Variants in MAPRE2 observed in about 807,000 individuals in gnomAD.
MAPRE2 encodes the protein microtubule-associated protein RP/EB family member 2.
In MAPRE2, 13 loss-of-function variants were observed where a neutral mutation model predicts 43.2. The ratio of observed to expected loss-of-function variants is 0.30; its 90% CI spans 0.20 to 0.48. The LOEUF is 0.48. MAPRE2 is among the 20% of genes least tolerant of loss of function. The probability of loss-of-function intolerance (pLI) is 0.99; values close to 1 mark genes in which losing one functional copy is unlikely to be tolerated. For synonymous variants in MAPRE2, 135 were observed against 148.8 expected (o/e 0.91, Z 0.68); for missense variants, 161 against 400.2 (o/e 0.40, Z 5.10).
chr18:35,087,040 A>T (rs1488559731), intron 2 of MAPRE2, among the ~76,000 whole-genome samples: 1 of 152,160 alleles, frequency 6.6e-6, no homozygotes, highest in Admixed American at 6.5e-5. Flanking sequence ...AAATTGTCTT[A>T]GGCTTTTCAT....
At chr18:35,063,315 G>T (rs1180624584) in intron 1 of MAPRE2, among the ~76,000 whole-genome samples, 6 of 151,926 alleles carry the variant, frequency 3.9e-5, no homozygotes, top group Non-Finnish European at 7.4e-5. Context: ...CACCGTGTTA[G>T]CCAGGATGGT....
At chr18:34,993,145 C>T (rs2097024629) in intron 1 of MAPRE2, among the ~76,000 whole-genome samples, 1 of 152,046 alleles carries the variant, frequency 6.6e-6, no homozygotes, top group South Asian at 2.1e-4. Context: ...CTCACTCTTG[C>T]TCAGATTGGA....
At chr18:35,013,989 C>T (rs564472614) in intron 2 of MAPRE2, among the ~76,000 whole-genome samples, 2 of 152,080 alleles carry the variant, frequency 1.3e-5, no homozygotes, top group African/African-American at 4.8e-5. Flanking sequence ...GTACAGATGT[C>T]TCTTTGACAT....
intron 2 of MAPRE2, among the ~76,000 whole-genome samples, chr18:35,095,023 C>A (rs1908337368): frequency 6.6e-6 from 1 of 151,984 alleles, no homozygotes; most frequent in Non-Finnish European, 1.5e-5. Flanking sequence ...GTGTCCAAAT[C>A]CTGGAGCCAA....
At chr18:35,028,769 A>T (rs2097046483) in intron 2 of MAPRE2, among the ~76,000 whole-genome samples, 1 of 152,200 alleles carries the variant, frequency 6.6e-6, no homozygotes, top group Non-Finnish European at 1.5e-5. Context: ...CTCATTCATG[A>T]TTTCATTGCA....
intron 2 of MAPRE2, among the ~76,000 whole-genome samples, chr18:35,090,480 C>T (rs967320588): frequency 1.9e-4 from 29 of 151,948 alleles, no homozygotes; most frequent in Admixed American, 5.9e-4. Context: ...GCGTGTAATC[C>T]CAGCACTTTG....
chr18:35,032,643 A>G (rs773375287), intron 2 of MAPRE2, among the ~76,000 whole-genome samples: 4 of 151,910 alleles, frequency 2.6e-5, no homozygotes, highest in African/African-American at 7.3e-5. Context: ...GTCTTCCTCA[A>G]TTGCACCTGT....
chr18:35,036,948 A>G (rs1340467731), upstream of MAPRE2, among the ~76,000 whole-genome samples: 1 of 152,148 alleles, frequency 6.6e-6, no homozygotes, highest in Non-Finnish European at 1.5e-5. Flanking sequence ...CTATAAAGAA[A>G]AAGGTTACTA....
chr18:35,133,552 C>A (rs762598320), intron 6 of MAPRE2, among the ~76,000 whole-genome samples: 2 of 152,196 alleles, frequency 1.3e-5, no homozygotes, highest in Admixed American at 1.3e-4. Flanking sequence ...CAGCTGAGAT[C>A]TCCACAGCGC....
intron 2 of MAPRE2, among the ~76,000 whole-genome samples, chr18:35,084,942 A>C (rs1257308487): frequency 7.2e-5 from 11 of 152,152 alleles, no homozygotes; most frequent in Non-Finnish European, 8.8e-5. Flanking sequence ...GTTCCCCTTA[A>C]CAGACTGAAA....
At chr18:35,108,375 T>A (rs1279668214) in intron 4 of MAPRE2, among the ~76,000 whole-genome samples, 1 of 152,222 alleles carries the variant, frequency 6.6e-6, no homozygotes, top group Non-Finnish European at 1.5e-5. Context: ...CTGTCATTGA[T>A]GGGCATTTGG....
At chr18:35,056,228 ATAAT>A (rs1255647705) in intron 1 of MAPRE2, among the ~76,000 whole-genome samples, 3 of 152,130 alleles carry the variant, frequency 2.0e-5, no homozygotes, top group Non-Finnish European at 4.4e-5. Context: ...TTAACTTTAA[ATAAT>A]TAATCCTTTG....
intron 1 of MAPRE2, among the ~76,000 whole-genome samples, chr18:35,050,452 A>AATTTTC (rs1905878734): frequency 6.6e-6 from 1 of 152,198 alleles, no homozygotes; most frequent in South Asian, 2.1e-4. Flanking sequence ...CACACATAGC[A>AATTTTC]ATCCATAGTG....
intron 2 of MAPRE2, among the ~76,000 whole-genome samples, chr18:35,022,715 A>T (rs1018422078): frequency 2.0e-5 from 3 of 152,192 alleles, no homozygotes; most frequent in Admixed American, 2.0e-4. Flanking sequence ...AAAACAGGGA[A>T]GATAACCATA....
chr18:35,131,774 G>A (rs141083406), intron 5 of MAPRE2: 7 of 443,530 alleles, frequency 1.6e-5, no homozygotes, highest in Admixed American at 3.7e-5. Flanking sequence ...AACCGCACAA[G>A]CAGAAAGACC....
chr18:35,032,708 G>A (rs568622037), intron 2 of MAPRE2, among the ~76,000 whole-genome samples: 1 of 151,804 alleles, frequency 6.6e-6, no homozygotes, highest in Non-Finnish European at 1.5e-5. Context: ...TTTATTTTTG[G>A]CTCCCTGTTC....
intron 2 of MAPRE2, 37 bp downstream of exon 2, chr18:35,070,359 TAC>T: frequency 6.5e-7 from 1 of 1,548,358 alleles, no homozygotes; most frequent in East Asian, 2.3e-5. Context: ...CCTAAATATT[TAC>T]AGTCTGTCAT....
chr18:35,026,719 G>A (rs532206969), intron 2 of MAPRE2, among the ~76,000 whole-genome samples: 2 of 152,282 alleles, frequency 1.3e-5, no homozygotes, highest in African/African-American at 4.8e-5. Flanking sequence ...CCTGTGCCAA[G>A]GTGACTAGGG....
At chr18:35,068,785 T>C (rs1376238624) in intron 1 of MAPRE2, among the ~76,000 whole-genome samples, 2 of 152,212 alleles carry the variant, frequency 1.3e-5, no homozygotes, top group African/African-American at 4.8e-5. Flanking sequence ...AACAATATCA[T>C]GGAAGCAGGC....
Sources: gnomAD v4.1 joint callset for allele counts (sites outside exome capture counted in the v4.1 genomes callset) on GRCh38, gnomAD v4.1.1 for gene constraint, MANE v1.5 for transcripts, NCBI Gene and HGNC (gene_info 2026-07-23, HGNC 2026-07-21) for gene names.